DNAH14: variants seen among roughly 807,000 people sequenced by gnomAD.
DNAH14 encodes the protein dynein axonemal heavy chain 14.
DNAH14 carries 478 observed loss-of-function variants against 520.9 expected under a neutral mutation model. The observed-to-expected ratio is 0.92, with a 90% CI of 0.85 to 0.99. DNAH14 has a LOEUF of 0.99. Among genes scored for constraint, DNAH14 ranks in the 50% least tolerant of loss-of-function variants. DNAH14 has a pLI of 0.00. For synonymous variants in DNAH14, 1,581 were observed against 1,757.2 expected (o/e 0.90, Z 2.51); for missense variants, 4,831 against 5,234.5 (o/e 0.92, Z 2.38).
At chr1:224,939,284 G>A (rs2059247533) in intron 1 of DNAH14, among the ~76,000 whole-genome samples, 1 of 152,030 alleles carries the variant, frequency 6.6e-6, no homozygotes, top group South Asian at 2.1e-4. Context: ...TATTTTCACA[G>A]AGTAAGTAGA....
chr1:225,098,984 T>C (rs1312353781), intron 22 of DNAH14, among the ~76,000 whole-genome samples: 2 of 152,076 alleles, frequency 1.3e-5, no homozygotes, highest in African/African-American at 2.4e-5. Flanking sequence ...GGAGAAAGCA[T>C]GAAGGAGAAG....
In DNAH14 at chr1:225,085,713, A is replaced by C. The variant is rs2073681547; in HGVS notation, c.3497A>C (p.Asp1166Ala). 1 of 1,551,340 alleles carries C rather than the reference A, an allele frequency of 6.4e-7. No individual in the cohort carries two copies. The highest frequency in any genetic ancestry group is 8.7e-7 in the Non-Finnish European group (1 of 1,146,786). The stretch of plus-strand genomic sequence containing the variant: ...ATCTTCATAATTCCATCTATAGATG[A>C]CATATCAGCTCAGTTAGAAGAGTCT... ...YSIFIIPSID[D>A]ISAQLEESQV... The change falls in exon 21 of 86, where the codon GAC (aspartate) becomes GCC (alanine). Residue 1166 changes from aspartate (D) to alanine (A), a missense_variant. Coordinates refer to ENST00000682510, the MANE Select transcript of DNAH14 (RefSeq NM_001367479.1).
chr1:225,242,976 G>GTATTTGTT (rs1226401580), intron 43 of DNAH14, among the ~76,000 whole-genome samples: 9 of 152,236 alleles, frequency 5.9e-5, no homozygotes, highest in African/African-American at 2.2e-4. Context: ...GCACATTACT[G>GTATTTGTT]TATTTGTTAA....
chr1:225,168,136 T>G (rs1361093024), intron 36 of DNAH14, 108 bp downstream of exon 36: 1 of 698,932 alleles, frequency 1.4e-6, no homozygotes, highest in Non-Finnish European at 2.3e-6. Context: ...GGTATAATTT[T>G]TTTTAATTAA....
chr1:225,248,823 T>C (rs1237550387), intron 43 of DNAH14, among the ~76,000 whole-genome samples: 4 of 152,170 alleles, frequency 2.6e-5, no homozygotes, highest in African/African-American at 9.7e-5. Flanking sequence ...CTTTGAAGGA[T>C]AGTTGAATAC....
chr1:225,038,736 T>G lies in DNAH14; in HGVS notation c.1401T>G (p.Asn467Lys). Residue 467 changes from asparagine to lysine, a missense_variant, in exon 12 of 86, where the codon AAT becomes AAG. Physicochemically the swap from Asn to Lys is moderately conservative, Grantham distance 94. Coordinates refer to ENST00000682510, the MANE Select transcript of DNAH14 (RefSeq NM_001367479.1). ...CTTTTCCTACTGGAAAGACAACAAA[T>G]GATTGTGAAGAACTTGTTGATAATT... ...DNSFPTGKTT[N>K]DCEELVDNSK... The G allele has an allele frequency of 6.5e-7, 1 of 1,535,782 alleles. No individual in the cohort carries two copies. The highest frequency in any genetic ancestry group is 8.8e-7 in the Non-Finnish European group (1 of 1,142,242).
In DNAH14 at chr1:225,236,223, A is replaced by T. The variant is rs562800061; in HGVS notation, c.6519-4370A>T. The stretch of plus-strand genomic sequence containing the variant: ...TGCATCCCAGAGATTCTGGTACATT[A>T]TCTGTTTGTTTGCATTAGTTTCAAA... On this transcript the variant is annotated intron_variant, in intron 42 of 85. Coordinates refer to ENST00000682510, the MANE Select transcript of DNAH14 (RefSeq NM_001367479.1). 3.9e-5 allele frequency among the ~76,000 whole-genome samples: 6 copies of T among 152,106 alleles called. No homozygotes were observed. In the East Asian group the frequency reaches 1.2e-3, roughly 29 times the overall value.
intron 23 of DNAH14, among the ~76,000 whole-genome samples, chr1:225,113,472 A>G (rs2076632698): frequency 6.6e-6 from 1 of 152,086 alleles, no homozygotes; most frequent in Non-Finnish European, 1.5e-5. Context: ...GTCCACTGTA[A>G]TCACTACTTG....
At chr1:225,226,168 T>C (rs913724222) in intron 41 of DNAH14, among the ~76,000 whole-genome samples, 1 of 152,348 alleles carries the variant, frequency 6.6e-6, no homozygotes, top group Non-Finnish European at 1.5e-5. Context: ...TCTTCCCCTC[T>C]GTTACTTGGG....
At chr1:225,368,089 G>A (rs1285334923) in intron 77 of DNAH14, 57 bp downstream of exon 77, 1 of 1,397,978 alleles carries the variant, frequency 7.2e-7, no homozygotes, top group African/African-American at 1.4e-5. Context: ...TACAAATTGA[G>A]AGCCTACTAT....
At chr1:225,090,175 A>G (rs1375794359) in intron 21 of DNAH14, among the ~76,000 whole-genome samples, 2 of 152,154 alleles carry the variant, frequency 1.3e-5, no homozygotes, top group African/African-American at 4.8e-5. Context: ...CATAAAAATA[A>G]GATATATAAA....
At chr1:225,102,398 A>G (rs1573086298) in intron 23 of DNAH14, among the ~76,000 whole-genome samples, 5 of 152,176 alleles carry the variant, frequency 3.3e-5, no homozygotes, top group Admixed American at 3.3e-4. Flanking sequence ...TCCTTTGGGT[A>G]TATACCCAGT....
intron 22 of DNAH14, among the ~76,000 whole-genome samples, chr1:225,099,523 G>A (rs1446359529): frequency 6.6e-6 from 1 of 152,076 alleles, no homozygotes. Context: ...ATTCTACAAT[G>A]CACCAGAACT....
chr1:225,049,003 C>G (rs1219546402), intron 15 of DNAH14, among the ~76,000 whole-genome samples: 2 of 145,776 alleles, frequency 1.4e-5, no homozygotes, highest in Non-Finnish European at 3.0e-5. Flanking sequence ...AGTTTTCCAT[C>G]TGCATATCTT....
chr1:225,023,564 T>C (rs2065880278), intron 10 of DNAH14, 51 bp from the exon 11 acceptor site: 11 of 1,418,658 alleles, frequency 7.8e-6, no homozygotes, highest in Non-Finnish European at 1.0e-5. Context: ...AATCATGCTA[T>C]ATTAACAAAG....
Position 225,134,777 on chromosome 1 carries a change from G to T in DNAH14, c.4255-5991G>T, listed in dbSNP as rs1180332165. Among the ~76,000 whole-genome samples, 3 of 152,018 alleles carry T rather than the reference G, an allele frequency of 2.0e-5. No homozygotes were observed. In the East Asian group the frequency reaches 5.8e-4, roughly 29 times the overall value. ...AAGAGTCCTTCCTCTTCAATTTTTT[G>T]GAATGGTTTCAGTAGAAATAGTACC... On this transcript the variant is annotated intron_variant, in intron 27 of 85. Coordinates refer to ENST00000682510, the MANE Select transcript of DNAH14 (RefSeq NM_001367479.1).
chr1:225,180,877 G>A (rs1045897096), intron 36 of DNAH14, among the ~76,000 whole-genome samples: 1 of 152,118 alleles, frequency 6.6e-6, no homozygotes, highest in Non-Finnish European at 1.5e-5. Flanking sequence ...TTGTGACATG[G>A]TTATATTGTG....
chr1:225,142,272 T>C (rs2079529028), intron 28 of DNAH14, among the ~76,000 whole-genome samples: 1 of 152,158 alleles, frequency 6.6e-6, no homozygotes, highest in Non-Finnish European at 1.5e-5. Flanking sequence ...TAAGTGTCTA[T>C]GAGTTTAGGG....
chr1:225,079,851 T>G (rs901985143), intron 18 of DNAH14, among the ~76,000 whole-genome samples: 1 of 151,796 alleles, frequency 6.6e-6, no homozygotes, highest in Non-Finnish European at 1.5e-5. Flanking sequence ...TTTTTTGTAT[T>G]TTTAGTAGAG....
Sources: allele counts gnomAD v4.1 joint callset (sites outside exome capture counted in the v4.1 genomes callset), GRCh38; gene constraint gnomAD v4.1.1; transcripts MANE v1.5; gene names NCBI Gene and HGNC (gene_info 2026-07-23, HGNC 2026-07-21).